ADGRB3: variants seen among roughly 807,000 people sequenced by gnomAD.
ADGRB3 encodes the protein adhesion G protein-coupled receptor B3, also known as brain-specific angiogenesis inhibitor 3.
ADGRB3 carries 37 observed loss-of-function variants against 193.4 expected under a neutral mutation model. The ratio of observed to expected loss-of-function variants is 0.19; its 90% CI spans 0.15 to 0.25. The LOEUF is 0.25. Ranked by LOEUF, ADGRB3 falls within the 10% of genes least tolerant of loss-of-function variation. The pLI is 1.00. For synonymous variants in ADGRB3, 690 were observed against 644.2 expected, an observed-to-expected ratio of 1.07 and a Z score of -1.08; for missense variants, 1,637 against 1,852.9, an observed-to-expected ratio of 0.88 and a Z score of 2.14.
chr6:69,312,548 C>T (rs1768217225), intron 20 of ADGRB3, among the ~76,000 whole-genome samples: 1 of 151,560 alleles, frequency 6.6e-6, no homozygotes, highest in South Asian at 2.1e-4. Context: ...CCAGTGGTGT[C>T]ATTTAGTGTA....
chr6:69,045,115 T>C (rs1771200033), intron 13 of ADGRB3, among the ~76,000 whole-genome samples: 1 of 152,220 alleles, frequency 6.6e-6, no homozygotes, highest in Non-Finnish European at 1.5e-5. Context: ...TCCCTAAAGA[T>C]GTTAACAGCA....
intron 11 of ADGRB3, among the ~76,000 whole-genome samples, chr6:69,007,687 TCTCTCTCACA>T (rs1284779228): frequency 0.018 from 1,481 of 81,586 alleles, 30 homozygotes; most frequent in African/African-American, 0.055. Flanking sequence ...TCTCTCTCTC[TCTCTCTCACA>T]CACACACACA....
At chr6:69,345,648 A>G (rs6916630) in intron 26 of ADGRB3, among the ~76,000 whole-genome samples, 23 of 152,168 alleles carry the variant, frequency 1.5e-4, no homozygotes, top group Admixed American at 5.2e-4. Flanking sequence ...AGCCAATATC[A>G]TACTGAATGG....
At chr6:68,986,893 G>A (rs1769092237) in intron 10 of ADGRB3, among the ~76,000 whole-genome samples, 1 of 152,084 alleles carries the variant, frequency 6.6e-6, no homozygotes, top group African/African-American at 2.4e-5. Flanking sequence ...GTGGCTGGCA[G>A]TAGGAGGCTT....
intron 20 of ADGRB3, among the ~76,000 whole-genome samples, chr6:69,263,191 C>G (rs991874900): frequency 6.6e-6 from 1 of 152,006 alleles, no homozygotes; most frequent in Non-Finnish European, 1.5e-5. Flanking sequence ...CATGAAGGAA[C>G]TCCGTCTTTG....
chr6:68,640,703 CTTT>C (rs1299086145), intron 3 of ADGRB3, among the ~76,000 whole-genome samples: 1 of 152,112 alleles, frequency 6.6e-6, no homozygotes, highest in Non-Finnish European at 1.5e-5. Flanking sequence ...GGAGAATTTT[CTTT>C]AAGTGTAGCC....
chr6:69,291,634 C>G (rs577678764), intron 20 of ADGRB3, among the ~76,000 whole-genome samples: 9 of 152,094 alleles, frequency 5.9e-5, no homozygotes, highest in African/African-American at 2.2e-4. Flanking sequence ...AACCTGAAGC[C>G]CAGTTTAGGG....
intron 6 of ADGRB3, among the ~76,000 whole-genome samples, chr6:68,953,978 C>T (rs1001215892): frequency 6.6e-6 from 1 of 152,166 alleles, no homozygotes; most frequent in Non-Finnish European, 1.5e-5. Context: ...CAGACTGATG[C>T]ATTTATAACC....
intron 3 of ADGRB3, among the ~76,000 whole-genome samples, chr6:68,929,593 C>T (rs1767279503): frequency 2.6e-5 from 4 of 152,092 alleles, no homozygotes; most frequent in Admixed American, 2.0e-4. Context: ...AAGATAGCAG[C>T]ACAATTTCTT....
intron 13 of ADGRB3, among the ~76,000 whole-genome samples, chr6:69,028,753 A>G (rs1214308838): frequency 6.6e-6 from 1 of 152,188 alleles, no homozygotes; most frequent in East Asian, 1.9e-4. Flanking sequence ...TTTCTATATT[A>G]TCACATATTA....
At chr6:69,271,737 A>AAC (rs777185331) in intron 20 of ADGRB3, among the ~76,000 whole-genome samples, 45 of 151,758 alleles carry the variant, frequency 3.0e-4, no homozygotes, top group African/African-American at 7.5e-4. Flanking sequence ...AGTTCATGAA[A>AAC]ACACACACAC....
chr6:69,087,832 C>T (rs965800918), intron 17 of ADGRB3, among the ~76,000 whole-genome samples: 1 of 152,168 alleles, frequency 6.6e-6, no homozygotes, highest in Non-Finnish European at 1.5e-5. Context: ...GTCTACGTCA[C>T]AGGTGAGCAA....
intron 3 of ADGRB3, among the ~76,000 whole-genome samples, chr6:68,836,000 G>A (rs958783098): frequency 2.0e-4 from 31 of 152,032 alleles, no homozygotes; most frequent in African/African-American, 5.3e-4. Context: ...CTTGGCTAGC[G>A]GATCTGCTTG....
At chr6:68,781,854 A>G (rs1427295209) in intron 3 of ADGRB3, among the ~76,000 whole-genome samples, 1 of 152,100 alleles carries the variant, frequency 6.6e-6, no homozygotes, top group Admixed American at 6.6e-5. Flanking sequence ...CCAGGGAGCC[A>G]AGAAAACATA....
At chr6:69,210,150 A>T (rs1204928517) in intron 17 of ADGRB3, among the ~76,000 whole-genome samples, 1 of 22,086 alleles carries the variant, frequency 4.5e-5, no homozygotes, top group Non-Finnish European at 9.5e-5. Flanking sequence ...AATATATATC[A>T]TATATATATA....
chr6:69,289,797 T>C (rs1767627437), intron 20 of ADGRB3, among the ~76,000 whole-genome samples: 2 of 151,618 alleles, frequency 1.3e-5, no homozygotes, highest in Admixed American at 6.6e-5. Flanking sequence ...GGTTTTCCAA[T>C]TGTGTTCATC....
In ADGRB3 at chr6:69,325,037, A is replaced by G; in HGVS notation, c.2965+15A>G. On this transcript the variant is annotated intron_variant, in intron 21 of 31. Coordinates refer to ENST00000370598, the MANE Select transcript of ADGRB3 (RefSeq NM_001704.3). ...CCTTGGATGGGGTAAGCATATTGATATACCGTTTCATGCTCTTCTCAAAAT... is the reference window on the plus strand; with the variant it reads ...CCTTGGATGGGGTAAGCATATTGATGTACCGTTTCATGCTCTTCTCAAAAT... The G allele has an allele frequency of 6.2e-7, 1 of 1,608,354 alleles. No individual in the cohort carries two copies. The highest frequency in any genetic ancestry group is 2.2e-5 in the East Asian group (1 of 44,716).
chr6:69,048,721 ATAT>A (rs1459421220), intron 14 of ADGRB3, among the ~76,000 whole-genome samples: 1 of 152,080 alleles, frequency 6.6e-6, no homozygotes, highest in Non-Finnish European at 1.5e-5. Context: ...CGGTTTGAAG[ATAT>A]TATTTTGGCA....
intron 17 of ADGRB3, among the ~76,000 whole-genome samples, chr6:69,122,094 G>A (rs1436369217): frequency 1.3e-5 from 2 of 152,120 alleles, no homozygotes; most frequent in African/African-American, 4.8e-5. Context: ...GGAGGCCAAG[G>A]CAGGCGGCTG....
Sources: allele counts gnomAD v4.1 joint callset (sites outside exome capture counted in the v4.1 genomes callset), GRCh38; gene constraint gnomAD v4.1.1; transcripts MANE v1.5; gene names NCBI Gene and HGNC (gene_info 2026-07-23, HGNC 2026-07-21).